Variants in RAB10 observed in about 807,000 individuals in gnomAD.
RAB10 encodes RAB10, member RAS oncogene family.
A neutral mutation model predicts 25.7 loss-of-function variants in RAB10; 5 were observed. The observed-to-expected ratio is 0.19, with a 90% CI of 0.10 to 0.41. The LOEUF is 0.41. RAB10 is among the 10% of genes least tolerant of loss of function. RAB10 has a pLI of 1.00. For missense variants in RAB10, 103 were observed against 245.8 expected, an observed-to-expected ratio of 0.42 and a Z score of 3.89; for synonymous variants, 89 against 86.4, an observed-to-expected ratio of 1.03 and a Z score of -0.16.
At chr2:26,038,924 CAAAAAA>C (rs34311018) in intron 1 of RAB10, among the ~76,000 whole-genome samples, 1 of 103,364 alleles carries the variant, frequency 9.7e-6, no homozygotes, top group African/African-American at 4.2e-5. Context: ...GACTCTGTCT[CAAAAAA>C]AAAAAAAAAA....
chr2:26,117,637 A>AAC lies in RAB10; in HGVS notation c.327+7732_327+7733insCA, dbSNP rs1553729865. 7.4e-4 allele frequency among the ~76,000 whole-genome samples: 102 copies of AAC among 138,124 alleles called. 1 individual carries two copies. The highest frequency in any genetic ancestry group is 3.8e-3 in the Middle Eastern group (1 of 264). 90.6% of individuals were successfully genotyped at this position (138,124 alleles called of 152,430 possible). ...TCCGTCTCAAAAAAAAAAAAAAAAC[A>AAC]AAAAAAACAAAAGAGTTAGGAAGTA... On this transcript the variant is annotated intron_variant, in intron 3 of 5. Coordinates refer to ENST00000264710, the MANE Select transcript of RAB10 (RefSeq NM_016131.5).
At chr2:26,063,824 G>A (rs1666459910) in intron 1 of RAB10, among the ~76,000 whole-genome samples, 1 of 152,154 alleles carries the variant, frequency 6.6e-6, no homozygotes, top group African/African-American at 2.4e-5. Flanking sequence ...AGAGACAAGA[G>A]TCTCACTCTG....
rs545517107 is a variant in RAB10, at chr2:26,096,556, A to G, written c.128-2106A>G. Reference sequence around the variant, plus strand: ...TTCTTTCTCTAGTAACTTCTTTTCTACTCTGTCAAGTTAAGCCCTATAGGG... The same window carrying G: ...TTCTTTCTCTAGTAACTTCTTTTCTGCTCTGTCAAGTTAAGCCCTATAGGG... On this transcript the variant is annotated intron_variant, in intron 1 of 5. Transcript: ENST00000264710. Among the ~76,000 whole-genome samples, 33 of 151,808 alleles carry G rather than the reference A, an allele frequency of 2.2e-4. 1 individual carries two copies. The South Asian group carries it at 6.5e-3, about 30-fold the overall frequency.
At position 26,135,714 on chromosome 2, in the gene RAB10, G is replaced by A. The variant is rs1668097515; in HGVS notation, c.*693G>A. 6.6e-6 allele frequency: 1 copy of A among 152,608 alleles called. No individual in the cohort carries two copies. Among genetic ancestry groups the A allele is most frequent in the Admixed American group, 6.5e-5 (1 of 15,272 alleles). 9.5% of individuals were successfully genotyped at this position (152,608 alleles called of 1,614,324 possible). On this transcript the variant is annotated 3_prime_UTR_variant, in exon 6 of 6. Coordinates refer to ENST00000264710, the MANE Select transcript of RAB10 (RefSeq NM_016131.5). ...TGATAGCTTTGGTTTGCTGAGTCTT[G>A]TTTTAAGTGGCCTTGATATTTAAAA...
chr2:26,039,368 TG>T (rs1224921728), intron 1 of RAB10, among the ~76,000 whole-genome samples: 14 of 151,622 alleles, frequency 9.2e-5, no homozygotes, highest in Admixed American at 2.6e-4. Context: ...CTTTTTGAGA[TG>T]GAGTATCACT....
intron 1 of RAB10, among the ~76,000 whole-genome samples, chr2:26,070,001 C>T (rs1346043377): frequency 3.3e-5 from 5 of 152,236 alleles, no homozygotes; most frequent in Admixed American, 3.3e-4. Flanking sequence ...GCCATCGCAC[C>T]TGGCCTCCGA....
Position 26,134,814 on chromosome 2 carries a change from C to A in RAB10, c.520-124C>A, listed in dbSNP as rs28372704. 1.8e-4 allele frequency: 129 copies of A among 704,070 alleles called. 1 individual carries two copies. The East Asian group carries it at 3.9e-3, about 21-fold the overall frequency. 43.6% of individuals were successfully genotyped at this position (704,070 alleles called of 1,614,324 possible). On this transcript the variant is annotated intron_variant, in intron 5 of 5. Transcript: ENST00000264710. ...TCTTTACTTTGCACGGAGGGGAAACCTATCTCCTGTGATTGTAGTTGTATT... is the reference window on the plus strand; with the variant it reads ...TCTTTACTTTGCACGGAGGGGAAACATATCTCCTGTGATTGTAGTTGTATT...
intron 1 of RAB10, among the ~76,000 whole-genome samples, chr2:26,057,286 G>A (rs555042202): frequency 7.2e-5 from 11 of 152,194 alleles, no homozygotes; most frequent in African/African-American, 2.4e-4. Context: ...TAAGGAAGCT[G>A]GGCATGGTGG....
chr2:26,070,133 G>A (rs1171954958), intron 1 of RAB10, among the ~76,000 whole-genome samples: 2 of 152,258 alleles, frequency 1.3e-5, no homozygotes, highest in Admixed American at 1.3e-4. Context: ...TTCTTCTAGA[G>A]ATCCTTGGAC....
intron 1 of RAB10, among the ~76,000 whole-genome samples, chr2:26,078,838 C>G (rs1218480121): frequency 6.6e-6 from 1 of 152,072 alleles, no homozygotes; most frequent in Non-Finnish European, 1.5e-5. Context: ...GCAAGCCAAA[C>G]AAATGAACAG....
intron 1 of RAB10, among the ~76,000 whole-genome samples, chr2:26,056,882 A>G (rs1417570637): frequency 6.6e-6 from 1 of 152,070 alleles, no homozygotes; most frequent in African/African-American, 2.4e-5. Context: ...CTTGCCTCCT[A>G]AAGTGCTGGA....
At chr2:26,052,973 C>T (rs1275505526) in intron 1 of RAB10, among the ~76,000 whole-genome samples, 1 of 152,078 alleles carries the variant, frequency 6.6e-6, no homozygotes, top group Non-Finnish European at 1.5e-5. Flanking sequence ...CTTCAGTGGG[C>T]CTTGAAGTTG....
intron 1 of RAB10, among the ~76,000 whole-genome samples, chr2:26,077,604 CTT>C (rs902820239): frequency 2.6e-5 from 4 of 152,084 alleles, no homozygotes; most frequent in African/African-American, 4.8e-5. Flanking sequence ...ATTAGAATGA[CTT>C]TTGTTTTAAT....
intron 1 of RAB10, among the ~76,000 whole-genome samples, chr2:26,046,319 C>G (rs1160470309): frequency 6.7e-6 from 1 of 150,236 alleles, no homozygotes; most frequent in South Asian, 2.1e-4. Context: ...GAGTGAAACT[C>G]CGTCTCAAAG....
chr2:26,119,092 T>C lies in RAB10; in HGVS notation c.328-8052T>C, dbSNP rs1013260523. 4.6e-5 allele frequency among the ~76,000 whole-genome samples: 7 copies of C among 152,284 alleles called. 1 individual carries two copies. The South Asian group carries it at 6.2e-4, about 14-fold the overall frequency. Reference sequence around the variant, plus strand: ...TAACCTCATCATGCTTGCTGCTTATTGTTAGTAAGATCATCCAAGTAAGGA... The same window carrying C: ...TAACCTCATCATGCTTGCTGCTTATCGTTAGTAAGATCATCCAAGTAAGGA... On this transcript the variant is annotated intron_variant, in intron 3 of 5. Coordinates refer to ENST00000264710, the MANE Select transcript of RAB10 (RefSeq NM_016131.5).
chr2:26,124,417 T>G lies in RAB10; in HGVS notation c.328-2727T>G, dbSNP rs1342594512. 1.4e-4 allele frequency among the ~76,000 whole-genome samples: 17 copies of G among 119,590 alleles called. No individual in the cohort carries two copies. The East Asian group carries it at 4.0e-3, about 28-fold the overall frequency. 78.5% of individuals were successfully genotyped at this position (119,590 alleles called of 152,430 possible). A position where few individuals can be genotyped will look rare whatever the true frequency, so the allele number is the denominator to read the frequency against. ...TTTTTTTTTTTTTTTTTTTTTTTTTTGAGACAGGTTCTTGCTTTGTTGCCC... is the reference window on the plus strand; with the variant it reads ...TTTTTTTTTTTTTTTTTTTTTTTTTGGAGACAGGTTCTTGCTTTGTTGCCC... On this transcript the variant is annotated intron_variant, in intron 3 of 5. Transcript: ENST00000264710.
chr2:26,050,782 C>A (rs575563070), intron 1 of RAB10, among the ~76,000 whole-genome samples: 2 of 151,932 alleles, frequency 1.3e-5, no homozygotes, highest in Non-Finnish European at 1.5e-5. Flanking sequence ...TACCACCACA[C>A]GTGGCTAATT....
chr2:26,061,819 C>T (rs1416234296), intron 1 of RAB10, among the ~76,000 whole-genome samples: 1 of 139,620 alleles, frequency 7.2e-6, no homozygotes, highest in Non-Finnish European at 1.5e-5. Context: ...TACAGTGCTA[C>T]GATTTCGGGT....
intron 1 of RAB10, among the ~76,000 whole-genome samples, chr2:26,058,747 A>G (rs567040780): frequency 6.6e-6 from 1 of 152,110 alleles, no homozygotes; most frequent in Non-Finnish European, 1.5e-5. Flanking sequence ...TGTGTGGCAT[A>G]TTCTCTCATT....
Sources: allele counts gnomAD v4.1 joint callset (sites outside exome capture counted in the v4.1 genomes callset), GRCh38; gene constraint gnomAD v4.1.1; transcripts MANE v1.5; gene names NCBI Gene and HGNC (gene_info 2026-07-23, HGNC 2026-07-21).